Variants in WDR77 observed in about 807,000 individuals in gnomAD.
WDR77 encodes the protein WD repeat domain 77.
In WDR77, 31 loss-of-function variants were observed where a neutral mutation model predicts 44.0. The observed-to-expected ratio is 0.70, with a 90% confidence interval of 0.53 to 0.95. The LOEUF (loss-of-function observed/expected upper bound fraction) is 0.95. Among genes scored for constraint, WDR77 ranks in the 40% least tolerant of loss-of-function variants. The pLI is 0.00. For missense variants in WDR77, 390 were observed against 423.9 expected, an observed-to-expected ratio of 0.92 and a Z score of 0.70; for synonymous variants, 186 against 165.7, an observed-to-expected ratio of 1.12 and a Z score of -0.94.
At position 111,444,137 on chromosome 1, in the gene WDR77, G is replaced by C. The variant is rs1324329917; in HGVS notation, c.494-13C>G. The C allele has an allele frequency of 1.2e-6, 2 of 1,612,782 alleles. No individual in the cohort carries two copies. Among genetic ancestry groups the C allele is most frequent in the South Asian group, 1.1e-5 (1 of 91,016 alleles). On this transcript the variant is annotated splice_polypyrimidine_tract_variant and intron_variant, in intron 4 of 9. Transcript: ENST00000235090. ...TGAGCAGCATGAGCTATAAAGGAGA[G>C]AGAAAGAGAAATATGATAGAAAACA... is the stretch of plus-strand genomic sequence containing the variant.
chr1:111,447,240 A>G (rs1653079637), intron 3 of WDR77, 96 bp from the exon 4 acceptor site: 1 of 1,528,630 alleles, frequency 6.5e-7, no homozygotes, highest in South Asian at 1.1e-5. Flanking sequence ...ACATTCCCCA[A>G]GTCTTTGCCT....
intron 8 of WDR77, among the ~76,000 whole-genome samples, chr1:111,442,440 C>T (rs759788876): frequency 6.6e-6 from 1 of 152,184 alleles, no homozygotes; most frequent in Non-Finnish European, 1.5e-5. Context: ...CACATTTTAG[C>T]CATTTCAGAC....
chr1:111,445,917 C>T (rs144964186), intron 4 of WDR77, among the ~76,000 whole-genome samples: 2 of 152,164 alleles, frequency 1.3e-5, no homozygotes, highest in East Asian at 1.9e-4. Flanking sequence ...TACAGATGTG[C>T]ACCACTACGC....
In WDR77 at chr1:111,442,169, C is replaced by T. The variant is rs368521786; in HGVS notation, c.801-76G>A. The T allele has an allele frequency of 3.0e-5, 43 of 1,446,458 alleles. 2 individuals are homozygous for T. Among genetic ancestry groups the T allele is most frequent in the East Asian group, 3.0e-4 (13 of 43,862 alleles). 89.6% of individuals were successfully genotyped at this position (1,446,458 alleles called of 1,614,324 possible). ...AAAACCTTAACTGGGCCGGCCCTGCCGCCACTGTAAAGTGACCCAGGAGAG... is the reference window on the plus strand; with the variant it reads ...AAAACCTTAACTGGGCCGGCCCTGCTGCCACTGTAAAGTGACCCAGGAGAG... On this transcript the variant is annotated intron_variant, in intron 8 of 9. Coordinates refer to ENST00000235090, the MANE Select transcript of WDR77 (RefSeq NM_024102.4).
At position 111,442,657 on chromosome 1, in the gene WDR77, G is replaced by A. The variant is rs376404779; in HGVS notation, c.796C>T (p.His266Tyr). Residue 266 changes from histidine to tyrosine, a missense_variant, in exon 8 of 10, where the codon CAC becomes TAC. By Grantham distance (83) the His-to-Tyr change is moderately conservative. Transcript: ENST00000235090. ...QCVTGLVFSP[H>Y]SVPFLASLSE... ...CCTGATGACAAAGAACAGTACCTGT[G>A]TGGGGAGAACACCAGCCCAGTGACA... The A allele has an allele frequency of 6.6e-5, 104 of 1,574,312 alleles. No individual in the cohort carries two copies. Among genetic ancestry groups the A allele is most frequent in the South Asian group, 1.8e-4 (15 of 84,980 alleles).
intron 1 of WDR77, 72 bp from the exon 2 acceptor site, chr1:111,448,876 C>A (rs1653177033): frequency 6.5e-7 from 1 of 1,546,350 alleles, no homozygotes; most frequent in Non-Finnish European, 8.7e-7. Flanking sequence ...CACAGAACAG[C>A]GTTCCGGCCG....
At chr1:111,447,192 A>G (rs751291714) in intron 3 of WDR77, 48 bp from the exon 4 acceptor site, 2 of 1,606,220 alleles carry the variant, frequency 1.2e-6, no homozygotes, top group South Asian at 1.1e-5. Context: ...TACACTATCA[A>G]CATAAAAACG....
chr1:111,441,821 G>A (rs541979835), intron 9 of WDR77, among the ~76,000 whole-genome samples: 7 of 152,276 alleles, frequency 4.6e-5, no homozygotes, highest in African/African-American at 1.7e-4. Context: ...CCTCTACCAA[G>A]GACACGGCTT....
chr1:111,447,130 TC>T lies in WDR77; in HGVS notation c.457del (p.Asp153ThrfsTer8). The stretch of plus-strand genomic sequence containing the variant: ...ACTCAGTACCACCTGCTGAGCAAGG[TC>T]CCAAACCTTGATGCTAAGAAGCAAA... ...GSKDICIKVW[D>X]LAQQVVLSSY... On this transcript the variant is annotated frameshift_variant, in exon 4 of 10. Transcript: ENST00000235090. LOFTEE classifies it high-confidence loss of function. 3 of 1,614,088 alleles carry T rather than the reference TC, an allele frequency of 1.9e-6. No individual in the cohort carries two copies. Among genetic ancestry groups the T allele is most frequent in the Non-Finnish European group, 2.5e-6 (3 of 1,180,022 alleles).
At position 111,444,235 on chromosome 1, in the gene WDR77, T is replaced by C. The variant is rs2101743816; in HGVS notation, c.494-111A>G. 4.9e-6 allele frequency: 5 copies of C among 1,023,624 alleles called. No homozygotes were observed. The East Asian group carries it at 7.5e-5, about 15-fold the overall frequency. 63.4% of individuals were successfully genotyped at this position (1,023,624 alleles called of 1,614,324 possible). A position where few individuals can be genotyped will look rare whatever the true frequency, so the allele number is the denominator to read the frequency against. ...GAGGGAGGGAGGGCTGGTCTCATGA[T>C]GCAATTTAACAAATTTTGTGGGAGA... On this transcript the variant is annotated intron_variant, in intron 4 of 9. Transcript: ENST00000235090.
At chr1:111,442,791 A>G in intron 7 of WDR77, 30 bp from the exon 8 acceptor site, 1 of 1,457,882 alleles carries the variant, frequency 6.9e-7, no homozygotes, top group Non-Finnish European at 9.2e-7. Flanking sequence ...TGTCATAGTG[A>G]TTAAGAGCAT....
chr1:111,440,396 A>T lies in WDR77; in HGVS notation c.*834T>A, dbSNP rs975254617. 6.6e-6 allele frequency: 1 copy of T among 152,242 alleles called. No individual in the cohort carries two copies. Among genetic ancestry groups the T allele is most frequent in the African/African-American group, 2.4e-5 (1 of 41,458 alleles). The allele number at this position is 152,242 out of a possible 1,614,324, so 9.4% of individuals were successfully genotyped here. ...GACTTTCCACATCAAGAGAAAGGGG[A>T]CCAGGGCAGAAGATGTCAGGCCCCA... On this transcript the variant is annotated 3_prime_UTR_variant, in exon 10 of 10. Coordinates refer to ENST00000235090, the MANE Select transcript of WDR77 (RefSeq NM_024102.4).
chr1:111,442,655 G>A lies in WDR77; in HGVS notation c.798C>T (p.His266=), dbSNP rs780808270. The A allele has an allele frequency of 1.9e-6, 3 of 1,573,132 alleles. No homozygotes were observed. Among genetic ancestry groups the A allele is most frequent in the Non-Finnish European group, 2.6e-6 (3 of 1,154,358 alleles). ...CCCCTGATGACAAAGAACAGTACCT[G>A]TGTGGGGAGAACACCAGCCCAGTGA... The part of the protein sequence containing the change: ...QCVTGLVFSP[H]SVPFLASLSE... The change falls in exon 8 of 10, where the codon CAC becomes CAT. Residue 266 remains histidine, a splice_region_variant and synonymous_variant. Transcript: ENST00000235090.
intron 9 of WDR77, 63 bp downstream of exon 9, chr1:111,441,962 A>C: frequency 2.0e-6 from 3 of 1,476,854 alleles, no homozygotes; most frequent in Non-Finnish European, 2.8e-6. Context: ...CTGAAGAGGA[A>C]AATGACTCGC....
rs547123528 is a variant in WDR77 at position 111,446,741 on chromosome 1, C to G, written c.493+354G>C. 23 of 193,154 alleles carry G rather than the reference C, an allele frequency of 1.2e-4. 1 individual carries two copies. The South Asian group carries it at 3.1e-3, about 26-fold the overall frequency. 12.0% of individuals were successfully genotyped at this position (193,154 alleles called of 1,614,324 possible). On this transcript the variant is annotated intron_variant, in intron 4 of 9. Transcript: ENST00000235090. ...GAAAACAGAAGAGGTGGAAAAGGAC[C>G]GAGTTTGAGCCCTGTGTTGCCAAGG...
chr1:111,445,323 G>C (rs1652979307), intron 4 of WDR77, among the ~76,000 whole-genome samples: 1 of 152,186 alleles, frequency 6.6e-6, no homozygotes. Context: ...AGTTTCCATA[G>C]TTCTTTCCTA....
At position 111,441,829 on chromosome 1, in the gene WDR77, C is replaced by T. The variant is rs528035691; in HGVS notation, c.869+196G>A. On this transcript the variant is annotated intron_variant, in intron 9 of 9. Transcript: ENST00000235090. ...CCACCCCCCTCTACCAAGGACACGG[C>T]TTGTCCTTGGGGTTGTGAATGTGCC... Among the ~76,000 whole-genome samples, 11 of 152,292 alleles carry T rather than the reference C, an allele frequency of 7.2e-5. No individual in the cohort carries two copies. In the South Asian group the frequency reaches 2.3e-3, roughly 32 times the overall value.
intron 9 of WDR77, 196 bp from the exon 10 acceptor site, chr1:111,441,585 T>C (rs1652818322): frequency 1.5e-6 from 2 of 1,293,270 alleles, no homozygotes; most frequent in South Asian, 2.7e-5. Flanking sequence ...CAGTCTTCTA[T>C]TTTCATAGAT....
intron 9 of WDR77, 125 bp downstream of exon 9, chr1:111,441,900 T>C (rs532767773): frequency 5.2e-6 from 5 of 954,870 alleles, no homozygotes; most frequent in Non-Finnish European, 8.1e-6. Flanking sequence ...CATTACCAAG[T>C]CCCTTCGGAT....
Sources: gnomAD v4.1 joint callset for allele counts (sites outside exome capture counted in the v4.1 genomes callset) on GRCh38, gnomAD v4.1.1 for gene constraint, MANE v1.5 for transcripts, NCBI Gene and HGNC (gene_info 2026-07-23, HGNC 2026-07-21) for gene names.